The following CSMD1 variants were observed in gnomAD, a reference collection of about 807,000 sequenced individuals.
The protein encoded by CSMD1 is CUB and sushi domain-containing protein 1.
CSMD1 carries 213 observed loss-of-function variants against 417.5 expected under a neutral mutation model. The observed-to-expected ratio is 0.51, with a 90% CI of 0.46 to 0.57. CSMD1 has a LOEUF of 0.57. Ranked by LOEUF, CSMD1 falls within the 20% of genes least tolerant of loss-of-function variation. The pLI, the probability that CSMD1 is intolerant of heterozygous loss-of-function variation, is 0.00. For synonymous variants in CSMD1, 2,862 were observed against 1,736.8 expected (o/e 1.65, Z -16.11); for missense variants, 6,923 against 4,529.7 (o/e 1.53, Z -15.17).
At chr8:4,136,603 A>T (rs757388102) in intron 3 of CSMD1, among the ~76,000 whole-genome samples, 11 of 152,230 alleles carry the variant, frequency 7.2e-5, no homozygotes, top group Non-Finnish European at 1.6e-4. Flanking sequence ...TCCAGCCAGC[A>T]AGAGAGGTTG....
At chr8:3,586,545 G>A (rs1352274914) in intron 8 of CSMD1, among the ~76,000 whole-genome samples, 5 of 152,100 alleles carry the variant, frequency 3.3e-5, no homozygotes, top group African/African-American at 1.2e-4. Context: ...TAGCAAAAAT[G>A]ACTTCACTGA....
intron 4 of CSMD1, among the ~76,000 whole-genome samples, chr8:4,016,123 G>C (rs1298794622): frequency 2.0e-5 from 3 of 152,064 alleles, no homozygotes; most frequent in South Asian, 4.2e-4. Flanking sequence ...TCATATAAAA[G>C]TTCATATAAA....
intron 2 of CSMD1, among the ~76,000 whole-genome samples, chr8:4,513,958 G>A (rs191733768): frequency 7.2e-5 from 11 of 152,234 alleles, no homozygotes; most frequent in Non-Finnish European, 1.5e-4. Context: ...AGAATCACTT[G>A]GGACTCTTTT....
intron 3 of CSMD1, among the ~76,000 whole-genome samples, chr8:4,268,131 C>T (rs1804336111): frequency 6.6e-6 from 1 of 152,122 alleles, no homozygotes; most frequent in Admixed American, 6.5e-5. Flanking sequence ...CACTGTTAAA[C>T]ATATGTCCAA....
chr8:3,638,181 T>A (rs969810899), intron 7 of CSMD1, among the ~76,000 whole-genome samples: 13 of 152,124 alleles, frequency 8.5e-5, no homozygotes, highest in African/African-American at 3.1e-4. Flanking sequence ...ATATTTTACT[T>A]CAAACCCAGT....
chr8:3,391,357 A>AT, intron 17 of CSMD1, among the ~76,000 whole-genome samples: 1 of 152,332 alleles, frequency 6.6e-6, no homozygotes, highest in Admixed American at 6.5e-5. Flanking sequence ...TTTTCAAAAA[A>AT]TGCTCTAAAA....
At chr8:3,229,513 G>A (rs1381707623) in intron 27 of CSMD1, among the ~76,000 whole-genome samples, 2 of 152,040 alleles carry the variant, frequency 1.3e-5, no homozygotes, top group Non-Finnish European at 2.9e-5. Flanking sequence ...TTTTAATAAG[G>A]TCAAACTATA....
In CSMD1 at chr8:2,967,958, C is replaced by A. The variant is rs79913519; in HGVS notation, c.8924-1212G>T. 5.6e-3 allele frequency among the ~76,000 whole-genome samples: 845 copies of A among 152,226 alleles called. 6 individuals are homozygous for A. Among genetic ancestry groups the A allele is most frequent in the African/African-American group, 0.019 (785 of 41,536 alleles). On this transcript the variant is annotated intron_variant, in intron 57 of 69. Coordinates refer to ENST00000635120, the MANE Select transcript of CSMD1 (RefSeq NM_033225.6). Reference sequence around the variant, plus strand: ...GTGCTTCCTGGTCCCGTGCCAATGGCAGACAGAAGTACTCAATCACAGCCC... The same window carrying A: ...GTGCTTCCTGGTCCCGTGCCAATGGAAGACAGAAGTACTCAATCACAGCCC...
chr8:4,395,860 T>A (rs1417266074), intron 3 of CSMD1, among the ~76,000 whole-genome samples: 1 of 152,200 alleles, frequency 6.6e-6, no homozygotes, highest in Admixed American at 6.5e-5. Context: ...TGAAAACCAT[T>A]ACAGTCTTTA....
At chr8:3,857,633 G>C (rs77853719) in intron 5 of CSMD1, among the ~76,000 whole-genome samples, 3 of 152,272 alleles carry the variant, frequency 2.0e-5, no homozygotes, top group Non-Finnish European at 4.4e-5. Flanking sequence ...ACAGAGCAGA[G>C]GGTGGGGACA....
intron 5 of CSMD1, among the ~76,000 whole-genome samples, chr8:3,884,257 A>G (rs533322962): frequency 6.6e-6 from 1 of 152,196 alleles, no homozygotes; most frequent in South Asian, 2.1e-4. Context: ...GGCAAGTCTA[A>G]CCTGTCTTCA....
rs1797960094 is a variant in CSMD1 at position 4,433,055 on chromosome 8, G to A, written c.303-12990C>T. Among the ~76,000 whole-genome samples the A allele has an allele frequency of 2.6e-5, 4 of 152,126 alleles. No individual in the cohort carries two copies. In the South Asian group the frequency reaches 8.3e-4, roughly 32 times the overall value. On this transcript the variant is annotated intron_variant, in intron 2 of 69. Coordinates refer to ENST00000635120, the MANE Select transcript of CSMD1 (RefSeq NM_033225.6). ...ACTACGTATATGAGGGATCGAGGTT[G>A]CACACTCTTTATAACTATCCAATGC...
At chr8:4,238,703 G>A (rs1197035260) in intron 3 of CSMD1, among the ~76,000 whole-genome samples, 1 of 152,188 alleles carries the variant, frequency 6.6e-6, no homozygotes, top group Non-Finnish European at 1.5e-5. Context: ...CCTGTTAGCT[G>A]TTTGGGGCAG....
chr8:3,232,497 T>C (rs1798900766), intron 26 of CSMD1, among the ~76,000 whole-genome samples: 1 of 152,216 alleles, frequency 6.6e-6, no homozygotes, highest in Admixed American at 6.5e-5. Context: ...TCTTGATGGA[T>C]CTTTGGGTCA....
intron 3 of CSMD1, among the ~76,000 whole-genome samples, chr8:4,364,942 G>T (rs866406013): frequency 6.8e-6 from 1 of 148,076 alleles, no homozygotes. Flanking sequence ...CAAAGCACCC[G>T]ACAAAAACGT....
chr8:3,602,609 G>C (rs753684393), intron 8 of CSMD1, among the ~76,000 whole-genome samples: 1 of 151,946 alleles, frequency 6.6e-6, no homozygotes, highest in Non-Finnish European at 1.5e-5. Context: ...TTATTCTAAA[G>C]TAGAATATGG....
intron 8 of CSMD1, among the ~76,000 whole-genome samples, chr8:3,610,044 C>T (rs1016205278): frequency 6.6e-6 from 1 of 151,918 alleles, no homozygotes. Context: ...TCGAGATTCA[C>T]CCACCTTAGC....
intron 52 of CSMD1, among the ~76,000 whole-genome samples, chr8:3,016,573 T>C (rs1349432491): frequency 6.6e-6 from 1 of 152,232 alleles, no homozygotes; most frequent in Admixed American, 6.5e-5. Context: ...AAAATGTTTG[T>C]GCTAAATGAA....
At chr8:3,257,048 A>G (rs1037037274) in intron 26 of CSMD1, among the ~76,000 whole-genome samples, 5 of 152,222 alleles carry the variant, frequency 3.3e-5, no homozygotes, top group Admixed American at 6.5e-5. Flanking sequence ...AGGGCCAGGT[A>G]CAGTGGCTCA....
Sources: gnomAD v4.1 joint callset for allele counts (sites outside exome capture counted in the v4.1 genomes callset) on GRCh38, gnomAD v4.1.1 for gene constraint, MANE v1.5 for transcripts, NCBI Gene and HGNC (gene_info 2026-07-23, HGNC 2026-07-21) for gene names.